Variants in ELAVL2 observed in about 807,000 individuals in gnomAD.
ELAVL2 encodes ELAV like RNA binding protein 2.
A neutral mutation model predicts 34.6 loss-of-function variants in ELAVL2; 4 were observed. The ratio of observed to expected loss-of-function variants is 0.12; its 90% CI spans 0.06 to 0.26. The LOEUF (loss-of-function observed/expected upper bound fraction) is 0.26, where lower values mean the gene tolerates loss of function less well. Ranked by LOEUF, ELAVL2 falls within the 10% of genes least tolerant of loss-of-function variation. ELAVL2 has a pLI of 1.00. For missense variants in ELAVL2, 432 were observed against 442.8 expected, an observed-to-expected ratio of 0.98 and a Z score of 0.22; for synonymous variants, 193 against 154.8, an observed-to-expected ratio of 1.25 and a Z score of -1.83.
intron 3 of ELAVL2, among the ~76,000 whole-genome samples, chr9:23,720,845 G>T (rs2043506084): frequency 6.6e-6 from 1 of 152,114 alleles, no homozygotes; most frequent in South Asian, 2.1e-4. Context: ...AATCACCTGT[G>T]GTGGCTGTTG....
chr9:23,724,597 TAAA>T, intron 3 of ELAVL2, among the ~76,000 whole-genome samples: 1 of 152,212 alleles, frequency 6.6e-6, no homozygotes, highest in East Asian at 1.9e-4. Flanking sequence ...CAAATAACAA[TAAA>T]AAAGTCATCT....
intron 1 of ELAVL2, among the ~76,000 whole-genome samples, chr9:23,793,153 G>A (rs2060518298): frequency 6.6e-6 from 1 of 152,128 alleles, no homozygotes; most frequent in African/African-American, 2.4e-5. Context: ...CTAAATGGCA[G>A]CTGGAAGAAA....
chr9:23,823,242 A>G (rs1030930993), intron 1 of ELAVL2, among the ~76,000 whole-genome samples: 5 of 152,222 alleles, frequency 3.3e-5, no homozygotes, highest in Non-Finnish European at 5.9e-5. Flanking sequence ...ATAGTTAATT[A>G]TAATATTCTC....
chr9:23,779,203 G>A (rs1250284113), intron 1 of ELAVL2: 3 of 985,274 alleles, frequency 3.0e-6, no homozygotes, highest in Non-Finnish European at 3.6e-6. Flanking sequence ...GAGGTAAGTG[G>A]GGAAGGAACT....
intron 3 of ELAVL2, among the ~76,000 whole-genome samples, chr9:23,728,128 G>C (rs1255042147): frequency 6.6e-6 from 1 of 152,024 alleles, no homozygotes; most frequent in African/African-American, 2.4e-5. Flanking sequence ...TGACCACCAA[G>C]ATCTCCACTC....
intron 3 of ELAVL2, among the ~76,000 whole-genome samples, chr9:23,718,240 G>C (rs1041717079): frequency 5.3e-5 from 8 of 152,054 alleles, no homozygotes; most frequent in Non-Finnish European, 1.0e-4. Context: ...GATGTTTTAT[G>C]TCAACAATCC....
At chr9:23,756,431 G>A (rs2053571398) in intron 2 of ELAVL2, among the ~76,000 whole-genome samples, 1 of 152,106 alleles carries the variant, frequency 6.6e-6, no homozygotes, top group Admixed American at 6.6e-5. Context: ...ACAACTGAGA[G>A]TAATGGTGAA....
intron 3 of ELAVL2, among the ~76,000 whole-genome samples, chr9:23,721,255 C>T (rs975324226): frequency 1.3e-4 from 20 of 152,190 alleles, no homozygotes; most frequent in African/African-American, 4.8e-4. Flanking sequence ...TGTGGCTCAA[C>T]TGGGTTAGCC....
chr9:23,694,209 C>A (rs2034285779), intron 5 of ELAVL2, among the ~76,000 whole-genome samples: 1 of 151,352 alleles, frequency 6.6e-6, no homozygotes, highest in Admixed American at 6.6e-5. Flanking sequence ...AAGTGTCGTC[C>A]TACTCAGTTT....
chr9:23,745,762 A>G (rs2050330562), intron 2 of ELAVL2, among the ~76,000 whole-genome samples: 1 of 152,174 alleles, frequency 6.6e-6, no homozygotes, highest in African/African-American at 2.4e-5. Context: ...AGCAGAGGAG[A>G]TAAATGTAGG....
At chr9:23,823,450 T>G (rs1211723062) in intron 1 of ELAVL2, among the ~76,000 whole-genome samples, 1 of 152,158 alleles carries the variant, frequency 6.6e-6, no homozygotes, top group African/African-American at 2.4e-5. Context: ...ACCGTAGCGT[T>G]TTTTGTGAAG....
chr9:23,798,333 T>G (rs904287018), intron 1 of ELAVL2, among the ~76,000 whole-genome samples: 1 of 152,218 alleles, frequency 6.6e-6, no homozygotes, highest in East Asian at 1.9e-4. Context: ...TACTGTGCAC[T>G]CTGAAGCCAG....
intron 3 of ELAVL2, among the ~76,000 whole-genome samples, chr9:23,706,737 C>A (rs1200889569): frequency 6.6e-6 from 1 of 152,180 alleles, no homozygotes; most frequent in African/African-American, 2.4e-5. Context: ...ATCCAGTTAA[C>A]AACAAACTTT....
intron 1 of ELAVL2, among the ~76,000 whole-genome samples, chr9:23,771,915 T>C (rs1189331082): frequency 6.6e-6 from 1 of 152,192 alleles, no homozygotes; most frequent in African/African-American, 2.4e-5. Context: ...CATTACCTTC[T>C]GGTGATGAAT....
chr9:23,826,917 T>C (rs2138711253), upstream of ELAVL2, among the ~76,000 whole-genome samples: 1 of 152,340 alleles, frequency 6.6e-6, no homozygotes, highest in African/African-American at 2.4e-5. Flanking sequence ...TTCAGATTTA[T>C]GTGTCCCCAT....
chr9:23,695,687 T>G (rs961996986), intron 5 of ELAVL2, among the ~76,000 whole-genome samples: 2 of 152,202 alleles, frequency 1.3e-5, no homozygotes, highest in African/African-American at 4.8e-5. Flanking sequence ...TACTGAATAC[T>G]GTAGGTAATT....
intron 2 of ELAVL2, among the ~76,000 whole-genome samples, chr9:23,747,139 G>A (rs2050704063): frequency 6.6e-6 from 1 of 151,422 alleles, no homozygotes; most frequent in Non-Finnish European, 1.5e-5. Context: ...AGATAGTACT[G>A]AATCCAACAT....
chr9:23,713,245 C>T (rs913298638), intron 3 of ELAVL2, among the ~76,000 whole-genome samples: 2 of 152,154 alleles, frequency 1.3e-5, no homozygotes, highest in African/African-American at 2.4e-5. Context: ...TCTTGAAATG[C>T]AACTTAGGCC....
At chr9:23,841,692 T>C in the ELAVL2 span, among the ~76,000 whole-genome samples, 1 of 152,146 alleles carries the variant, frequency 6.6e-6, no homozygotes, top group African/African-American at 2.4e-5. Flanking sequence ...ATTCTAGTTT[T>C]TAAACTTTTT....
Sources: gnomAD v4.1 joint callset for allele counts (sites outside exome capture counted in the v4.1 genomes callset) on GRCh38, gnomAD v4.1.1 for gene constraint, MANE v1.5 for transcripts, NCBI Gene and HGNC (gene_info 2026-07-23, HGNC 2026-07-21) for gene names.